The following PRLR variants were observed in gnomAD, a reference collection of about 807,000 sequenced individuals.
PRLR encodes hPRL receptor.
In PRLR, 13 loss-of-function variants were observed where a neutral mutation model predicts 40.2. That is an observed-to-expected ratio of 0.32 (90% CI 0.21 to 0.51). The LOEUF is 0.51. Ranked by LOEUF, PRLR falls within the 20% of genes least tolerant of loss-of-function variation. The probability of loss-of-function intolerance (pLI) is 0.97; values close to 1 mark genes in which losing one functional copy is unlikely to be tolerated. For missense variants in PRLR, 656 were observed against 747.3 expected, an observed-to-expected ratio of 0.88 and a Z score of 1.42; for synonymous variants, 269 against 278.7, an observed-to-expected ratio of 0.97 and a Z score of 0.35.
At chr5:35,125,442 T>G (rs1415737260) in intron 1 of PRLR, among the ~76,000 whole-genome samples, 2 of 152,228 alleles carry the variant, frequency 1.3e-5, no homozygotes, top group African/African-American at 4.8e-5. Flanking sequence ...AACTGGGAAC[T>G]AGTGATTAAA....
chr5:35,206,022 A>T (rs531205579), intron 1 of PRLR, among the ~76,000 whole-genome samples: 1 of 152,320 alleles, frequency 6.6e-6, no homozygotes, highest in Admixed American at 6.5e-5. Flanking sequence ...CTGAAACATC[A>T]TCTTAATGTC....
chr5:35,068,895 C>G lies in PRLR; in HGVS notation c.686-17G>C. 4 of 1,577,188 alleles carry G rather than the reference C, an allele frequency of 2.5e-6. No individual in the cohort carries two copies. The highest frequency in any genetic ancestry group is 3.5e-6 in the Non-Finnish European group (4 of 1,146,976). Reference sequence around the variant, plus strand: ...TGGTGAAGTCTAAAAAACAAACAGCCAGAAAGCTTTGATCACGTACAGCAT... The same window carrying G: ...TGGTGAAGTCTAAAAAACAAACAGCGAGAAAGCTTTGATCACGTACAGCAT... On this transcript the variant is annotated splice_polypyrimidine_tract_variant and intron_variant, in intron 7 of 9. Transcript: ENST00000618457.
chr5:35,092,523 G>A (rs1419985366), intron 2 of PRLR, among the ~76,000 whole-genome samples: 1 of 151,692 alleles, frequency 6.6e-6, no homozygotes, highest in African/African-American at 2.4e-5. Context: ...TTCTTTTTAT[G>A]GCTGGCAGAC....
At chr5:35,220,833 C>A (rs1244081201) in intron 1 of PRLR, among the ~76,000 whole-genome samples, 2 of 152,214 alleles carry the variant, frequency 1.3e-5, no homozygotes, top group Non-Finnish European at 2.9e-5. Context: ...ACATCACCTT[C>A]TGTCCCCCAG....
intron 1 of PRLR, among the ~76,000 whole-genome samples, chr5:35,174,665 C>A (rs149112899): frequency 1.3e-5 from 2 of 152,208 alleles, no homozygotes; most frequent in Non-Finnish European, 2.9e-5. Context: ...GCCCCACACC[C>A]AAGTCCCTCT....
At chr5:35,174,374 G>A (rs1233030282) in intron 1 of PRLR, among the ~76,000 whole-genome samples, 1 of 152,220 alleles carries the variant, frequency 6.6e-6, no homozygotes, top group Admixed American at 6.5e-5. Context: ...ACAGGCGTGA[G>A]CCACCATGTC....
intron 2 of PRLR, among the ~76,000 whole-genome samples, chr5:35,114,049 T>A (rs898079664): frequency 2.6e-5 from 4 of 152,194 alleles, no homozygotes; most frequent in Non-Finnish European, 5.9e-5. Context: ...TTTAGGAATG[T>A]TCTTGACATT....
rs1769122347 is a variant in PRLR, at chr5:35,062,843, T to C, written c.*2246A>G. 6.6e-6 allele frequency: 1 copy of C among 152,244 alleles called. No individual in the cohort carries two copies. Among genetic ancestry groups the C allele is most frequent in the Non-Finnish European group, 1.5e-5 (1 of 68,042 alleles). The allele number at this position is 152,244 out of a possible 1,614,324, so 9.4% of individuals were successfully genotyped here. A position where few individuals can be genotyped will look rare whatever the true frequency, so the allele number is the denominator to read the frequency against. ...CATATAAGATTCAGCATAATGTGAA[T>C]CTTAAACTACTGATATGTTTCTTTT... On this transcript the variant is annotated 3_prime_UTR_variant, in exon 10 of 10. Coordinates refer to ENST00000618457, the MANE Select transcript of PRLR (RefSeq NM_000949.7).
intron 6 of PRLR, 138 bp from the exon 7 acceptor site, chr5:35,070,403 A>C (rs1275908501): frequency 1.1e-6 from 1 of 935,232 alleles, no homozygotes; most frequent in Non-Finnish European, 1.6e-6. Context: ...CCACTGTCTT[A>C]GCCCTATCTT....
chr5:35,189,089 A>G (rs917948142), intron 1 of PRLR, among the ~76,000 whole-genome samples: 1 of 152,154 alleles, frequency 6.6e-6, no homozygotes, highest in African/African-American at 2.4e-5. Flanking sequence ...ACACAGATAC[A>G]TGCATGCAGG....
intron 5 of PRLR, among the ~76,000 whole-genome samples, chr5:35,079,323 C>T (rs1770341151): frequency 6.6e-6 from 1 of 152,152 alleles, no homozygotes; most frequent in Admixed American, 6.5e-5. Flanking sequence ...CATCTCAGCC[C>T]AAAATCTCCT....
At chr5:35,127,061 T>A (rs1383882310) in intron 1 of PRLR, among the ~76,000 whole-genome samples, 1 of 152,190 alleles carries the variant, frequency 6.6e-6, no homozygotes, top group African/African-American at 2.4e-5. Flanking sequence ...CAGGGAGGAT[T>A]CTAAGACCTG....
chr5:35,139,222 C>T (rs562572358), intron 1 of PRLR, among the ~76,000 whole-genome samples: 2 of 152,250 alleles, frequency 1.3e-5, no homozygotes, highest in South Asian at 4.2e-4. Context: ...GCAACCTCTG[C>T]CTCCTGGGTT....
At chr5:35,104,966 T>C (rs920855487) in intron 2 of PRLR, among the ~76,000 whole-genome samples, 1 of 152,134 alleles carries the variant, frequency 6.6e-6, no homozygotes, top group African/African-American at 2.4e-5. Flanking sequence ...AGGAGACACT[T>C]CCCAGTAGGG....
At position 35,063,705 on chromosome 5, in the gene PRLR, G is replaced by A. The variant is rs1268959725; in HGVS notation, c.*1384C>T. On this transcript the variant is annotated 3_prime_UTR_variant, in exon 10 of 10. Coordinates refer to ENST00000618457, the MANE Select transcript of PRLR (RefSeq NM_000949.7). The stretch of plus-strand genomic sequence containing the variant: ...TCCTGGCTTTGCTTAAAATTTTTTT[G>A]TGGCCCAAGATTTCTCACAAAAGCA... The A allele has an allele frequency of 6.6e-6, 1 of 152,072 alleles. No individual in the cohort carries two copies. The highest frequency in any genetic ancestry group is 1.5e-5 in the Non-Finnish European group (1 of 68,008). 9.4% of individuals were successfully genotyped at this position (152,072 alleles called of 1,614,324 possible).
chr5:35,066,729 T>C (rs1454709318), intron 9 of PRLR, among the ~76,000 whole-genome samples: 2 of 151,544 alleles, frequency 1.3e-5, no homozygotes, highest in African/African-American at 4.9e-5. Context: ...CCCCCTCCTA[T>C]TTCCTCCTGC....
intron 2 of PRLR, among the ~76,000 whole-genome samples, chr5:35,110,247 G>C (rs1385331987): frequency 6.6e-6 from 1 of 152,058 alleles, no homozygotes; most frequent in African/African-American, 2.4e-5. Context: ...ATAGCATTAG[G>C]AGATATACCT....
At chr5:35,202,658 A>G (rs1321382067) in intron 1 of PRLR, among the ~76,000 whole-genome samples, 1 of 152,166 alleles carries the variant, frequency 6.6e-6, no homozygotes, top group Non-Finnish European at 1.5e-5. Flanking sequence ...GGTGAGCAAC[A>G]GCTATTTTTA....
In PRLR at chr5:35,187,602, T is replaced by C. The variant is rs185971283; in HGVS notation, c.-106+42666A>G. ...CCTCTTCAGCCTTAGGTTCCTTATC[T>C]ACAAAATGGATTATGAAGATTCCTC... On this transcript the variant is annotated intron_variant, in intron 1 of 9. Transcript: ENST00000618457. Among the ~76,000 whole-genome samples the C allele has an allele frequency of 6.9e-4, 105 of 152,244 alleles. 1 individual carries two copies. In the Middle Eastern group the frequency reaches 0.017, roughly 25 times the overall value.
Sources: gnomAD v4.1 joint callset for allele counts (sites outside exome capture counted in the v4.1 genomes callset) on GRCh38, gnomAD v4.1.1 for gene constraint, MANE v1.5 for transcripts, NCBI Gene and HGNC (gene_info 2026-07-23, HGNC 2026-07-21) for gene names.